Variants in CBR4 observed in about 807,000 individuals in gnomAD.
CBR4 encodes the protein carbonyl reductase 4, also known as 3-oxoacyl-[acyl-carrier-protein] reductase.
A neutral mutation model predicts 21.0 loss-of-function variants in CBR4; 22 were observed. That is an observed-to-expected ratio of 1.05 (90% confidence interval 0.75 to 1.50). The LOEUF is 1.50. Ranked by LOEUF, CBR4 falls within the 40% of genes most tolerant of loss-of-function variation. CBR4 has a pLI of 0.00. For missense variants in CBR4, 302 were observed against 286.3 expected, an observed-to-expected ratio of 1.05 and a Z score of -0.40; for synonymous variants, 100 against 104.4, an observed-to-expected ratio of 0.96 and a Z score of 0.26.
rs33986728 is a variant in CBR4, at chr4:168,913,136, C to CTTT, written n.170-18374_170-18372dup. ...TGGTTTGGGGAAGGGATGCCACTAACTTTTTTTTTTTTTTTTTTGAGACAG... is the reference window on the plus strand; with the variant it reads ...TGGTTTGGGGAAGGGATGCCACTAACTTTTTTTTTTTTTTTTTTTTTGAGACAG... On this transcript the variant is annotated intron_variant and non_coding_transcript_variant, in intron 2 of 3. Transcript: ENST00000509108. Among the ~76,000 whole-genome samples the CTTT allele has an allele frequency of 1.7e-3, 197 of 119,018 alleles. 2 individuals carry two copies. In the East Asian group the frequency reaches 0.042, roughly 25 times the overall value. The allele number at this position is 119,018 out of a possible 152,430, so 78.1% of individuals were successfully genotyped here.
intron 2 of CBR4, among the ~76,000 whole-genome samples, chr4:168,981,166 G>A (rs528045065): frequency 2.8e-4 from 43 of 152,244 alleles, no homozygotes; most frequent in Admixed American, 9.2e-4. Flanking sequence ...TTGGGAGGCC[G>A]AGGTGGATGG....
intron 1 of CBR4, chr4:169,008,926 G>A (rs910361203): frequency 2.2e-6 from 1 of 451,976 alleles, no homozygotes; most frequent in Non-Finnish European, 4.4e-6. Flanking sequence ...GATCAATAAT[G>A]TTAACTTAAA....
chr4:168,924,729 A>C (rs956173703), intron 2 of CBR4, among the ~76,000 whole-genome samples: 5 of 152,200 alleles, frequency 3.3e-5, no homozygotes, highest in African/African-American at 9.7e-5. Context: ...GCAGATCCTC[A>C]ACTAGGAATT....
chr4:168,988,680 G>C lies in CBR4; in HGVS notation c.*1470C>G, dbSNP rs1280504561. The C allele has an allele frequency of 5.1e-6, 5 of 981,772 alleles. No individual in the cohort carries two copies. The highest frequency in any genetic ancestry group is 1.7e-5 in the African/African-American group (1 of 57,250). 60.8% of individuals were successfully genotyped at this position (981,772 alleles called of 1,614,324 possible). On this transcript the variant is annotated 3_prime_UTR_variant, in exon 5 of 5. Coordinates refer to ENST00000306193, the MANE Select transcript of CBR4 (RefSeq NM_032783.5). ...ATATTACCACGTCTTGCATTTAATAGACAATTTGTTTAATGATACTAACTT... is the reference window on the plus strand; with the variant it reads ...ATATTACCACGTCTTGCATTTAATACACAATTTGTTTAATGATACTAACTT...
chr4:168,974,050 T>C (rs1403682276), intron 2 of CBR4, among the ~76,000 whole-genome samples: 1 of 152,234 alleles, frequency 6.6e-6, no homozygotes, highest in Non-Finnish European at 1.5e-5. Context: ...GGTTCTATTT[T>C]GGTGTATTTC....
intron 2 of CBR4, among the ~76,000 whole-genome samples, chr4:168,971,675 C>T (rs1764214956): frequency 6.6e-6 from 1 of 152,004 alleles, no homozygotes; most frequent in Non-Finnish European, 1.5e-5. Flanking sequence ...GATTTGAGTT[C>T]CTGTAGATTC....
chr4:168,956,680 G>A (rs1214044955), intron 2 of CBR4, among the ~76,000 whole-genome samples: 1 of 146,164 alleles, frequency 6.8e-6, no homozygotes, highest in African/African-American at 2.5e-5. Context: ...GTTTACACCA[G>A]TACCTTAACG....
chr4:168,962,656 G>A (rs1163782263), intron 2 of CBR4, among the ~76,000 whole-genome samples: 1 of 152,056 alleles, frequency 6.6e-6, no homozygotes, highest in Admixed American at 6.5e-5. Flanking sequence ...TTAAATATAT[G>A]AATCCAAACT....
At chr4:168,976,161 A>G (rs550901385) in intron 2 of CBR4, among the ~76,000 whole-genome samples, 1 of 152,298 alleles carries the variant, frequency 6.6e-6, no homozygotes, top group East Asian at 1.9e-4. Context: ...AGTCAAAATT[A>G]TCACAAAATT....
At chr4:168,966,168 G>A (rs1764019400) in intron 2 of CBR4, among the ~76,000 whole-genome samples, 2 of 152,162 alleles carry the variant, frequency 1.3e-5, no homozygotes, top group African/African-American at 4.8e-5. Context: ...GGTCATCAGA[G>A]AAATGCAAAT....
chr4:168,994,745 ATTTTTTTTT>A (rs5863973), intron 4 of CBR4, among the ~76,000 whole-genome samples: 2 of 48,784 alleles, frequency 4.1e-5, no homozygotes, highest in African/African-American at 7.6e-5. Flanking sequence ...CGCCTGGCTA[ATTTTTTTTT>A]TTTTTTTTTT....
At chr4:168,960,525 T>C (rs982206375) in intron 2 of CBR4, among the ~76,000 whole-genome samples, 2 of 152,150 alleles carry the variant, frequency 1.3e-5, no homozygotes, top group African/African-American at 2.4e-5. Context: ...TTTTCTACTA[T>C]TGTATACTAT....
intron 2 of CBR4, among the ~76,000 whole-genome samples, chr4:168,918,464 T>A (rs1760724784): frequency 6.6e-6 from 1 of 152,140 alleles, no homozygotes; most frequent in Admixed American, 6.5e-5. Flanking sequence ...GGATCTTACT[T>A]ATATGTGCAA....
At chr4:169,005,340 T>A (rs1048510338) in intron 3 of CBR4, 1 of 152,538 alleles carries the variant, frequency 6.6e-6, no homozygotes, top group Non-Finnish European at 1.5e-5. Flanking sequence ...TATGAGTGGC[T>A]TTTAAAAGAA....
chr4:168,943,359 C>T (rs550552977), intron 2 of CBR4, among the ~76,000 whole-genome samples: 13 of 152,264 alleles, frequency 8.5e-5, no homozygotes, highest in African/African-American at 3.1e-4. Context: ...AGAAAGCCAC[C>T]GCACAAAGGC....
intron 2 of CBR4, among the ~76,000 whole-genome samples, chr4:168,947,329 A>C (rs1763420191): frequency 6.6e-6 from 1 of 152,008 alleles, no homozygotes; most frequent in Non-Finnish European, 1.5e-5. Context: ...TGCACCCTGA[A>C]TTTTGCTGAT....
chr4:168,987,953 C>T lies in CBR4; in HGVS notation c.*2197G>A, dbSNP rs1764748312. On this transcript the variant is annotated 3_prime_UTR_variant, in exon 5 of 5. Transcript: ENST00000306193. The stretch of plus-strand genomic sequence containing the variant: ...TAATACATTGGCTTTACCTATAAAC[C>T]TTATTTTGTTAATGCTAAGCACAGA... 5 of 985,240 alleles carry T rather than the reference C, an allele frequency of 5.1e-6. No individual in the cohort carries two copies. The highest frequency in any genetic ancestry group is 6.0e-6 in the Non-Finnish European group (5 of 829,826). The allele number at this position is 985,240 out of a possible 1,614,324, so 61.0% of individuals were successfully genotyped here.
chr4:168,942,468 G>A (rs568079533), intron 2 of CBR4, among the ~76,000 whole-genome samples: 147 of 151,356 alleles, frequency 9.7e-4, no homozygotes, highest in African/African-American at 3.4e-3. Flanking sequence ...AATCCTAATT[G>A]AAAAAGAAAA....
intron 2 of CBR4, among the ~76,000 whole-genome samples, chr4:168,955,631 A>T (rs530905759): frequency 6.6e-6 from 1 of 152,334 alleles, no homozygotes; most frequent in African/African-American, 2.4e-5. Flanking sequence ...TTACTATGGA[A>T]GGTAGCACTC....
Sources: gnomAD v4.1 joint callset for allele counts (sites outside exome capture counted in the v4.1 genomes callset) on GRCh38, gnomAD v4.1.1 for gene constraint, MANE v1.5 for transcripts, NCBI Gene and HGNC (gene_info 2026-07-23, HGNC 2026-07-21) for gene names.